The following PRDM9 variants were observed in gnomAD, a reference collection of about 807,000 sequenced individuals.
PRDM9 encodes the protein PR/SET domain 9.
Under a neutral mutation model 55.6 loss-of-function variants are expected in PRDM9, and 47 were observed. The ratio of observed to expected loss-of-function variants is 0.85; its 90% CI spans 0.67 to 1.08. The LOEUF (loss-of-function observed/expected upper bound fraction) is 1.08, where lower values mean the gene tolerates loss of function less well. PRDM9 is among the 50% of genes least tolerant of loss of function. The pLI is 0.00. For missense variants in PRDM9, 867 were observed against 1,040.3 expected (o/e 0.83, Z 2.29); for synonymous variants, 312 against 375.7 (o/e 0.83, Z 1.96).
Position 23,510,040 on chromosome 5 carries a change from G to T in PRDM9, c.301+13G>T. On this transcript the variant is annotated intron_variant, in intron 4 of 10. Transcript: ENST00000296682. Reference sequence around the variant, plus strand: ...CCTAGGCAGCAAGGTAAGAGGGAAGGGAAGTAGGATTTTTTTTTTTTTTTT... The same window carrying T: ...CCTAGGCAGCAAGGTAAGAGGGAAGTGAAGTAGGATTTTTTTTTTTTTTTT... The T allele has an allele frequency of 6.3e-7, 1 of 1,577,184 alleles. No homozygotes were observed.
chr5:23,507,768 C>A (rs1468485651), intron 1 of PRDM9, 56 bp downstream of exon 1: 1 of 152,348 alleles, frequency 6.6e-6, no homozygotes, highest in African/African-American at 2.4e-5. Flanking sequence ...CAGATCCCCT[C>A]ACCCTGGGAA....
In PRDM9 at chr5:23,523,351, T is replaced by C. The variant is rs185155427; in HGVS notation, c.943T>C (p.Trp315Arg). The C allele has an allele frequency of 2.5e-6, 4 of 1,612,826 alleles. No individual in the cohort carries two copies. In the East Asian group the frequency reaches 8.9e-5, roughly 36 times the overall value. Residue 315 changes from tryptophan (W) to arginine (R), a missense_variant, in exon 9 of 11, where the codon TGG becomes CGG. Coordinates refer to ENST00000296682, the MANE Select transcript of PRDM9 (RefSeq NM_020227.4). The stretch of plus-strand genomic sequence containing the variant: ...TGGAAAAGATAAATCCTGGGCCAAC[T>C]GGATGAGGTAAGGCCAGTAGCTCTC... ...VDGKDKSWAN[W>R]MRYVNCARDD... is the part of the protein sequence containing the mutation.
At chr5:23,515,490 C>A (rs2126415968) in intron 4 of PRDM9, among the ~76,000 whole-genome samples, 1 of 152,274 alleles carries the variant, frequency 6.6e-6, no homozygotes, top group East Asian at 1.9e-4. Context: ...TGAATGTTTT[C>A]TTTGCTACAC....
intron 1 of PRDM9, among the ~76,000 whole-genome samples, chr5:23,508,055 T>C (rs1459228700): frequency 6.6e-6 from 1 of 151,564 alleles, no homozygotes; most frequent in African/African-American, 2.4e-5. Context: ...TCAGATAACC[T>C]AAATAGCCTG....
chr5:23,518,369 A>G (rs1395371676), intron 5 of PRDM9, among the ~76,000 whole-genome samples: 1 of 152,228 alleles, frequency 6.6e-6, no homozygotes, highest in Non-Finnish European at 1.5e-5. Flanking sequence ...GATCATTAAA[A>G]GTTTCATAGT....
chr5:23,523,535 T>C (rs1346695407), intron 9 of PRDM9, among the ~76,000 whole-genome samples, 177 bp downstream of exon 9: 1 of 152,202 alleles, frequency 6.6e-6, no homozygotes, highest in African/African-American at 2.4e-5. Flanking sequence ...AATATAGATA[T>C]TATGATTTAT....
At chr5:23,508,253 T>C (rs1289092257) in intron 1 of PRDM9, among the ~76,000 whole-genome samples, 6 of 152,018 alleles carry the variant, frequency 3.9e-5, no homozygotes, top group Non-Finnish European at 1.5e-5. Flanking sequence ...TCCTGTCAGC[T>C]TGAGCACTCC....
Position 23,527,809 on chromosome 5 carries a change from A to G in PRDM9, c.*36A>G. ...ATAAAACCTCATCTCAATAGCCACA[A>G]AAAGACAAATGTGGTCACCACACAC... On this transcript the variant is annotated 3_prime_UTR_variant, in exon 11 of 11. Transcript: ENST00000296682. The G allele has an allele frequency of 1.2e-6, 2 of 1,613,186 alleles. No individual in the cohort carries two copies. Among genetic ancestry groups the G allele is most frequent in the South Asian group, 1.1e-5 (1 of 91,036 alleles).
chr5:23,522,724 A>C lies in PRDM9; in HGVS notation c.721A>C (p.Ser241Arg). ...GGGGCACCCCAACCGTTCAGCCCTC[A>C]GTCTGCCCCCAGGGCTGAGAATTGG... ...DKGHPNRSALSLPPGLRIGPS... is the reference protein window; with the variant it reads ...DKGHPNRSALRLPPGLRIGPS... Residue 241 changes from serine to arginine, a missense_variant, in exon 8 of 11, where the codon AGT (serine) becomes CGT (arginine). Coordinates refer to ENST00000296682, the MANE Select transcript of PRDM9 (RefSeq NM_020227.4). 6.2e-7 allele frequency: 1 copy of C among 1,614,210 alleles called. No individual in the cohort carries two copies. The highest frequency in any genetic ancestry group is 1.3e-5 in the African/African-American group (1 of 75,072).
At chr5:23,515,993 G>T (rs1263394355) in intron 4 of PRDM9, among the ~76,000 whole-genome samples, 2 of 152,182 alleles carry the variant, frequency 1.3e-5, no homozygotes, top group African/African-American at 4.8e-5. Context: ...CAGCTATTCT[G>T]AGTCCTTAGA....
Position 23,523,018 on chromosome 5 carries a change from G to T in PRDM9, c.882+133G>T, listed in dbSNP as rs900975630. The T allele has an allele frequency of 3.3e-6, 5 of 1,495,818 alleles. No homozygotes were observed. The African/African-American group carries it at 5.5e-5, about 17-fold the overall frequency. 92.7% of individuals were successfully genotyped at this position (1,495,818 alleles called of 1,614,324 possible). A position where few individuals can be genotyped will look rare whatever the true frequency, so the allele number is the denominator to read the frequency against. ...TAGCTCTGTGTACTCAAGGTTCTTT[G>T]CATGAACACGGAACTCCTATTTAGA... On this transcript the variant is annotated intron_variant, in intron 8 of 10. Coordinates refer to ENST00000296682, the MANE Select transcript of PRDM9 (RefSeq NM_020227.4).
At position 23,509,876 on chromosome 5, in the gene PRDM9, T is replaced by C. The variant is rs773789074; in HGVS notation, c.194-44T>C. The C allele has an allele frequency of 4.4e-6, 7 of 1,605,688 alleles. No homozygotes were observed. In the East Asian group the frequency reaches 1.6e-4, roughly 36 times the overall value. On this transcript the variant is annotated intron_variant, in intron 3 of 10. Coordinates refer to ENST00000296682, the MANE Select transcript of PRDM9 (RefSeq NM_020227.4). Reference sequence around the variant, plus strand: ...CATTGCCACTGCCCTTTGTTCCTTCTCCCAGCTCTTCCATTTTAGAACAAA... The same window carrying C: ...CATTGCCACTGCCCTTTGTTCCTTCCCCCAGCTCTTCCATTTTAGAACAAA...
chr5:23,512,765 A>G (rs1292207909), intron 4 of PRDM9, among the ~76,000 whole-genome samples: 2 of 152,164 alleles, frequency 1.3e-5, no homozygotes, highest in Non-Finnish European at 2.9e-5. Flanking sequence ...ATACCCATTG[A>G]ACAATAACAC....
At chr5:23,520,424 A>G (rs1739307674) in intron 5 of PRDM9, among the ~76,000 whole-genome samples, 1 of 151,458 alleles carries the variant, frequency 6.6e-6, no homozygotes, top group African/African-American at 2.4e-5. Flanking sequence ...AACTAAAGAG[A>G]ATTAGCTAAC....
In PRDM9 at chr5:23,526,275, C is replaced by T. The variant is rs758131778; in HGVS notation, c.1187C>T (p.Ala396Val). Residue 396 changes from alanine to valine, a missense_variant, in exon 11 of 11, where the codon GCC becomes GTC. This residue lies in a region of PRDM9 where 662 missense variants were observed against 711.9 expected (regional missense o/e 0.93). Transcript: ENST00000296682. ...EIHPCPSCCL[A>V]FSSQKFLSQH... The stretch of plus-strand genomic sequence containing the variant: ...CATCCATGTCCCTCATGCTGTCTGG[C>T]CTTTTCAAGTCAGAAATTTCTCAGT... 2.5e-6 allele frequency: 4 copies of T among 1,614,068 alleles called. No individual in the cohort carries two copies. The African/African-American group carries it at 4.0e-5, about 16-fold the overall frequency.
intron 7 of PRDM9, 89 bp downstream of exon 7, chr5:23,522,494 T>C: frequency 6.3e-7 from 1 of 1,583,910 alleles, no homozygotes; most frequent in Non-Finnish European, 8.7e-7. Flanking sequence ...ATTCCCTTAC[T>C]CTAATGAATT....
chr5:23,510,135 A>G (rs1212493992), intron 4 of PRDM9, 108 bp downstream of exon 4: 2 of 1,099,470 alleles, frequency 1.8e-6, no homozygotes, highest in Admixed American at 4.5e-5. Flanking sequence ...GCTCACTGCA[A>G]TCTCCACCTC....
Position 23,522,742 on chromosome 5 carries a change from A to C in PRDM9, c.739A>C (p.Arg247=). The C allele has an allele frequency of 6.2e-7, 1 of 1,614,214 alleles. No homozygotes were observed. Among genetic ancestry groups the C allele is most frequent in the Non-Finnish European group, 8.5e-7 (1 of 1,180,038 alleles). Residue 247 remains arginine (R), a synonymous_variant, in exon 8 of 11, where the codon AGA becomes CGA. Coordinates refer to ENST00000296682, the MANE Select transcript of PRDM9 (RefSeq NM_020227.4). Reference sequence around the variant, plus strand: ...AGCCCTCAGTCTGCCCCCAGGGCTGAGAATTGGGCCATCAGGCATCCCTCA... The same window carrying C: ...AGCCCTCAGTCTGCCCCCAGGGCTGCGAATTGGGCCATCAGGCATCCCTCA... ...RSALSLPPGL[R]IGPSGIPQAG...
Position 23,522,260 on chromosome 5 carries a change from A to T in PRDM9, c.509-44A>T, listed in dbSNP as rs766723775. On this transcript the variant is annotated intron_variant, in intron 6 of 10. Coordinates refer to ENST00000296682, the MANE Select transcript of PRDM9 (RefSeq NM_020227.4). ...ATTTTCTTATGAAACAAGGACAAACACCCCAGATTCCCAATTTTACCCGTC... is the reference window on the plus strand; with the variant it reads ...ATTTTCTTATGAAACAAGGACAAACTCCCCAGATTCCCAATTTTACCCGTC... The T allele has an allele frequency of 2.0e-6, 3 of 1,479,522 alleles. No individual in the cohort carries two copies. In the South Asian group the frequency reaches 3.4e-5, roughly 17 times the overall value. 91.6% of individuals were successfully genotyped at this position (1,479,522 alleles called of 1,614,324 possible).
Sources: gnomAD v4.1 joint callset for allele counts (sites outside exome capture counted in the v4.1 genomes callset) on GRCh38, gnomAD v4.1.1 for gene constraint, gnomAD v4.1.1 regional missense constraint, MANE v1.5 for transcripts, NCBI Gene and HGNC (gene_info 2026-07-23, HGNC 2026-07-21) for gene names.